The following CIB4 variants were observed in gnomAD, a reference collection of about 807,000 sequenced individuals.
The protein encoded by CIB4 is calcium and integrin-binding family member 4.
Under a neutral mutation model 25.8 loss-of-function variants are expected in CIB4, and 25 were observed. The observed-to-expected ratio is 0.97, with a 90% confidence interval of 0.71 to 1.35. The LOEUF is 1.35. CIB4 is among the 40% of genes most tolerant of loss of function. The pLI is 0.00. For missense variants in CIB4, 235 were observed against 228.2 expected, an observed-to-expected ratio of 1.03 and a Z score of -0.19; for synonymous variants, 75 against 81.4, an observed-to-expected ratio of 0.92 and a Z score of 0.42.
chr2:26,581,691 T>C (rs7608542), intron 6 of CIB4, among the ~76,000 whole-genome samples: 2,827 of 152,286 alleles, frequency 0.019, 91 homozygotes, highest in African/African-American at 0.065. Flanking sequence ...CAGCTTCAAT[T>C]ATGTGCTGGG....
At chr2:26,626,334 T>C (rs1484150373) in intron 3 of CIB4, among the ~76,000 whole-genome samples, 2 of 35,560 alleles carry the variant, frequency 5.6e-5, no homozygotes, top group East Asian at 2.8e-4. Flanking sequence ...CAAAAGACGG[T>C]TCTGGCTGTT....
At chr2:26,609,797 G>A (rs115633532) in intron 3 of CIB4, among the ~76,000 whole-genome samples, 54 of 152,202 alleles carry the variant, frequency 3.5e-4, no homozygotes, top group Admixed American at 1.1e-3. Flanking sequence ...GCTCAGGCTG[G>A]GAACTTAAAC....
intron 3 of CIB4, among the ~76,000 whole-genome samples, chr2:26,619,820 A>C (rs1488464047): frequency 0.015 from 1,324 of 89,066 alleles, 1 homozygote; most frequent in African/African-American, 0.03. Context: ...AAGGCAACAC[A>C]ATCCTGATCT....
At chr2:26,630,499 C>T (rs776791907) in intron 2 of CIB4, among the ~76,000 whole-genome samples, 4 of 152,022 alleles carry the variant, frequency 2.6e-5, no homozygotes, top group African/African-American at 2.4e-5. Flanking sequence ...AGGGCTGTGG[C>T]GGGGGTTCAG....
intron 4 of CIB4, among the ~76,000 whole-genome samples, chr2:26,589,264 T>G (rs1425990291): frequency 6.8e-6 from 1 of 147,018 alleles, no homozygotes; most frequent in Non-Finnish European, 1.5e-5. Context: ...CCTATTCTCC[T>G]TCCTCCTCCT....
chr2:26,581,390 GGAGC>G lies in CIB4; in HGVS notation c.528-1_530del. ...AGCATCCCCAGAAGTGAATCCGAAA[GGAGC>G]TGAAAGAAAGAATCCCGTGAGCCAT... On this transcript the variant is annotated splice_acceptor_variant and coding_sequence_variant, in exon 7 of 7. Coordinates refer to ENST00000288861, the MANE Select transcript of CIB4 (RefSeq NM_001029881.3). LOFTEE classifies it high-confidence loss of function. 1 of 1,613,722 alleles carries G rather than the reference GGAGC, an allele frequency of 6.2e-7. No homozygotes were observed. The highest frequency in any genetic ancestry group is 8.5e-7 in the Non-Finnish European group (1 of 1,179,764).
chr2:26,617,673 T>C (rs1669119575), intron 3 of CIB4, among the ~76,000 whole-genome samples: 1 of 152,140 alleles, frequency 6.6e-6, no homozygotes, highest in Non-Finnish European at 1.5e-5. Flanking sequence ...CTCAGGGCAG[T>C]GGCCTAAATA....
chr2:26,598,548 C>T (rs543963478), intron 3 of CIB4, among the ~76,000 whole-genome samples: 1 of 152,242 alleles, frequency 6.6e-6, no homozygotes, highest in South Asian at 2.1e-4. Flanking sequence ...GACACTGTCC[C>T]TGAGAGGATG....
chr2:26,585,622 A>G (rs942334530), intron 4 of CIB4, among the ~76,000 whole-genome samples: 20 of 152,128 alleles, frequency 1.3e-4, no homozygotes, highest in African/African-American at 4.8e-4. Flanking sequence ...AGTTCACTGC[A>G]TTTAATCCTT....
At chr2:26,604,094 T>C (rs1668845544) in intron 3 of CIB4, among the ~76,000 whole-genome samples, 1 of 147,212 alleles carries the variant, frequency 6.8e-6, no homozygotes. Flanking sequence ...AGAAGAAAAA[T>C]CAGAGCTGGA....
chr2:26,611,375 G>C (rs1668992278), intron 3 of CIB4, among the ~76,000 whole-genome samples: 1 of 152,240 alleles, frequency 6.6e-6, no homozygotes, highest in Non-Finnish European at 1.5e-5. Flanking sequence ...CACATGCGAA[G>C]AGACCTTTAT....
At chr2:26,640,909 G>C (rs1039167099) in intron 1 of CIB4, among the ~76,000 whole-genome samples, 4 of 152,108 alleles carry the variant, frequency 2.6e-5, no homozygotes, top group African/African-American at 7.2e-5. Context: ...ATTTAGCAAA[G>C]AGAGGGACCA....
chr2:26,598,721 T>C (rs1668728505), intron 3 of CIB4, among the ~76,000 whole-genome samples: 2 of 152,158 alleles, frequency 1.3e-5, no homozygotes, highest in South Asian at 4.1e-4. Context: ...TGCAGCTTCC[T>C]TCTCTCCCAG....
chr2:26,610,878 A>G (rs1370999274), intron 3 of CIB4, among the ~76,000 whole-genome samples: 1 of 152,250 alleles, frequency 6.6e-6, no homozygotes, highest in Non-Finnish European at 1.5e-5. Context: ...ATTTGATCCC[A>G]GGTCTGTGTG....
intron 3 of CIB4, among the ~76,000 whole-genome samples, chr2:26,610,047 G>A (rs1026109234): frequency 1.3e-5 from 2 of 152,122 alleles, no homozygotes; most frequent in African/African-American, 4.8e-5. Context: ...GCTTGGAGTG[G>A]CAGGGCCCCG....
In CIB4 at chr2:26,627,144, C is replaced by T. The variant is rs944868647; in HGVS notation, c.186+2266G>A. Among the ~76,000 whole-genome samples, 1 of 152,130 alleles carries T rather than the reference C, an allele frequency of 6.6e-6. No homozygotes were observed. Among genetic ancestry groups the T allele is most frequent in the Non-Finnish European group, 1.5e-5 (1 of 68,018 alleles). On this transcript the variant is annotated intron_variant, in intron 3 of 6. Coordinates refer to ENST00000288861, the MANE Select transcript of CIB4 (RefSeq NM_001029881.3). The surrounding 1 kb of genome is among the most constrained non-coding windows in gnomAD (Gnocchi z 4.0). The stretch of plus-strand genomic sequence containing the variant: ...CATGGGTCACCAACACCCTCTATGC[C>T]ACCCCTCCAGTTCGGCTCCCCTTGG...
intron 3 of CIB4, among the ~76,000 whole-genome samples, chr2:26,622,202 A>T (rs1398210326): frequency 6.6e-6 from 1 of 152,070 alleles, no homozygotes; most frequent in Non-Finnish European, 1.5e-5. Context: ...CTCTGCTAAA[A>T]ATGCAAAAAT....
chr2:26,599,348 C>T (rs1240387192), intron 3 of CIB4, among the ~76,000 whole-genome samples: 2 of 151,976 alleles, frequency 1.3e-5, no homozygotes, highest in Non-Finnish European at 1.5e-5. Flanking sequence ...TACAGTTTAT[C>T]GACAATAAAA....
chr2:26,638,214 C>T (rs920812226), intron 2 of CIB4, among the ~76,000 whole-genome samples: 3 of 152,140 alleles, frequency 2.0e-5, no homozygotes, highest in Admixed American at 6.5e-5. Flanking sequence ...TGGCAGCACT[C>T]ACAGGGACCC....
Sources: gnomAD v4.1 joint callset for allele counts (sites outside exome capture counted in the v4.1 genomes callset) on GRCh38, gnomAD v4.1.1 for gene constraint, Gnocchi (gnomAD v3.1) non-coding constraint, MANE v1.5 for transcripts, NCBI Gene and HGNC (gene_info 2026-07-23, HGNC 2026-07-21) for gene names.